The following TMEM67 variants were observed in gnomAD, a reference collection of about 807,000 sequenced individuals.
TMEM67 encodes meckelin.
TMEM67 carries 124 observed loss-of-function variants against 136.6 expected under a neutral mutation model. The observed-to-expected ratio is 0.91, with a 90% CI of 0.78 to 1.05. TMEM67 has a LOEUF of 1.05. Ranked by LOEUF, TMEM67 falls within the 50% of genes least tolerant of loss-of-function variation. The probability of loss-of-function intolerance (pLI) is 0.00; values close to 1 mark genes in which losing one functional copy is unlikely to be tolerated. For synonymous variants in TMEM67, 364 were observed against 390.5 expected (o/e 0.93, Z 0.80); for missense variants, 1,107 against 1,178.4 (o/e 0.94, Z 0.89).
chr8:93,785,466 A>G, intron 12 of TMEM67, 88 bp downstream of exon 12: 1 of 1,326,822 alleles, frequency 7.5e-7, no homozygotes, highest in Non-Finnish European at 1.1e-6. Context: ...ACCACTGATT[A>G]TAAGAAAGGT....
intron 3 of TMEM67, chr8:93,759,538 G>A (rs1436463363): frequency 1.3e-5 from 2 of 148,686 alleles, no homozygotes; most frequent in East Asian, 3.9e-4. Context: ...ACACCCAACA[G>A]AATGACTAAA....
downstream of TMEM67, among the ~76,000 whole-genome samples, chr8:93,822,998 A>G (rs1563490246): frequency 6.6e-6 from 1 of 152,242 alleles, no homozygotes; most frequent in Non-Finnish European, 1.5e-5. Context: ...ATGGAGGTAG[A>G]TAAGACATTG....
intron 7 of TMEM67, among the ~76,000 whole-genome samples, chr8:93,779,561 G>C (rs554935831): frequency 6.6e-6 from 1 of 152,150 alleles, no homozygotes; most frequent in Non-Finnish European, 1.5e-5. Context: ...GGGTTTTGAT[G>C]TGGATGTCCT....
chr8:93,824,873 C>T, the TMEM67 span, among the ~76,000 whole-genome samples: 15 of 152,194 alleles, frequency 9.9e-5, no homozygotes, highest in African/African-American at 2.9e-4. Context: ...TGCCACCATA[C>T]GCAGCTAATT....
chr8:93,788,626 A>G (rs535442857), intron 14 of TMEM67, among the ~76,000 whole-genome samples: 4 of 152,338 alleles, frequency 2.6e-5, no homozygotes, highest in Non-Finnish European at 5.9e-5. Context: ...CAGACTTTAC[A>G]GTGGGCATAT....
chr8:93,795,949 C>T lies in TMEM67; in HGVS notation c.1822C>T (p.Arg608Cys), dbSNP rs142283122. ...GCTGCCAATGCCAATTCAGGAAGAA[C>T]GTTTTGTCACTTATGTTGGATGTGC... The part of the protein sequence containing the change: ...VLLPMPIQEE[R>C]FVTYVGCAFA... Residue 608 changes from arginine (R) to cysteine (C), a missense_variant, in exon 18 of 28, where the codon CGT becomes TGT. Arg to Cys is a radical substitution (Grantham distance 180, BLOSUM62 -3). Coordinates refer to ENST00000453321, the MANE Select transcript of TMEM67 (RefSeq NM_153704.6). 9 of 1,613,356 alleles carry T rather than the reference C, an allele frequency of 5.6e-6. No individual in the cohort carries two copies. Among genetic ancestry groups the T allele is most frequent in the Non-Finnish European group, 7.6e-6 (9 of 1,179,550 alleles).
chr8:93,796,033 G>T (rs1005282845), intron 18 of TMEM67, 46 bp downstream of exon 18: 3 of 1,185,244 alleles, frequency 2.5e-6, no homozygotes, highest in Non-Finnish European at 3.8e-6. Context: ...GCCTGCTAAT[G>T]AACTAACAAG....
chr8:93,788,033 C>CTTT, intron 14 of TMEM67, 84 bp downstream of exon 14: 2 of 777,204 alleles, frequency 2.6e-6, no homozygotes, highest in Non-Finnish European at 2.1e-6. Flanking sequence ...AAAAGACAGT[C>CTTT]TTTTTTTTTT....
chr8:93,795,993 T>A lies in TMEM67; in HGVS notation c.1860+6T>A. 1 of 1,603,292 alleles carries A rather than the reference T, an allele frequency of 6.2e-7. No homozygotes were observed. The highest frequency in any genetic ancestry group is 8.5e-7 in the Non-Finnish European group (1 of 1,170,302). ...GATGTGCCTTTGCTCTGAAGGTAAGTTTTAAAGGACAGGTTACCAAATTTA... is the reference window on the plus strand; with the variant it reads ...GATGTGCCTTTGCTCTGAAGGTAAGATTTAAAGGACAGGTTACCAAATTTA... On this transcript the variant is annotated splice_donor_region_variant and intron_variant, in intron 18 of 27. Transcript: ENST00000453321.
chr8:93,809,908 T>C, intron 26 of TMEM67, 21 bp downstream of exon 26: 1 of 1,423,966 alleles, frequency 7.0e-7, no homozygotes, highest in Non-Finnish European at 9.9e-7. Context: ...AATCCCTTTG[T>C]AGAACTTGAT....
At chr8:93,781,856 A>AT (rs891485043) in intron 10 of TMEM67, 112 bp downstream of exon 10, 13 of 536,930 alleles carry the variant, frequency 2.4e-5, no homozygotes, top group South Asian at 6.5e-5. Flanking sequence ...ACTACAGTTG[A>AT]TTTTTTTTCT....
intron 2 of TMEM67, among the ~76,000 whole-genome samples, chr8:93,757,340 T>A (rs1021829936): frequency 2.0e-5 from 3 of 152,038 alleles, no homozygotes; most frequent in Non-Finnish European, 4.4e-5. Flanking sequence ...TCATACTTTA[T>A]CAAAAACCTT....
At chr8:93,756,131 T>A in intron 2 of TMEM67, 1 of 335,462 alleles carries the variant, frequency 3.0e-6, no homozygotes, top group South Asian at 3.7e-5. Context: ...ACTCGTAGAA[T>A]AACTCGGTTA....
rs1812542314 is a variant in TMEM67 at position 93,755,760 on chromosome 8, T to TC, written c.224-18_224-17insC. On this transcript the variant is annotated splice_polypyrimidine_tract_variant and intron_variant, in intron 1 of 27. Coordinates refer to ENST00000453321, the MANE Select transcript of TMEM67 (RefSeq NM_153704.6). Reference sequence around the variant, plus strand: ...TCAAGGATAAAATTGGCTTTTTTTTTTTTTTTTTTTTTTTTAGGAACTTCA... The same window carrying TC: ...TCAAGGATAAAATTGGCTTTTTTTTTCTTTTTTTTTTTTTTTAGGAACTTCA... 7.5e-7 allele frequency: 1 copy of TC among 1,331,334 alleles called. No individual in the cohort carries two copies. The highest frequency in any genetic ancestry group is 2.6e-5 in the East Asian group (1 of 39,210). 82.5% of individuals were successfully genotyped at this position (1,331,334 alleles called of 1,614,324 possible). A position where few individuals can be genotyped will look rare whatever the true frequency, so the allele number is the denominator to read the frequency against.
intron 7 of TMEM67, among the ~76,000 whole-genome samples, chr8:93,777,499 A>G (rs1813604969): frequency 6.6e-6 from 1 of 152,124 alleles, no homozygotes; most frequent in Admixed American, 6.6e-5. Flanking sequence ...TAGTGCTGTA[A>G]ATTTCCCTCT....
chr8:93,801,332 T>C lies in TMEM67; in HGVS notation c.2241+1574T>C, dbSNP rs563290967. On this transcript the variant is annotated intron_variant, in intron 21 of 27. Transcript: ENST00000453321. ...TCACTGCAGCCTCAACCTCCCAGGC[T>C]CAAGCAATCCTCCTGCCTCAGCCTC... is the stretch of plus-strand genomic sequence containing the variant. 8.6e-5 allele frequency among the ~76,000 whole-genome samples: 13 copies of C among 151,994 alleles called. No individual in the cohort carries two copies. The South Asian group carries it at 2.5e-3, about 29-fold the overall frequency.
At position 93,758,499 on chromosome 8, in the gene TMEM67, A is replaced by G. The variant is rs1014876003; in HGVS notation, c.329A>G (p.Asp110Gly). The change falls in exon 3 of 28, where the codon GAT (aspartate) becomes GGT (glycine). Residue 110 changes from aspartate (D) to glycine (G), a missense_variant. By Grantham distance (94) the Asp-to-Gly change is moderately conservative. This residue lies in a region of TMEM67 where 178 missense variants were observed against 159.2 expected (regional missense o/e 1.12). Coordinates refer to ENST00000453321, the MANE Select transcript of TMEM67 (RefSeq NM_153704.6). ...TTAATTTAGAAAGGTGTTACAGAAG[A>G]TGGCTGGAACTGCATTTCTTGCCCT... ...CPENMKGVTE[D>G]GWNCISCPSD... The G allele has an allele frequency of 5.6e-6, 9 of 1,613,542 alleles. No individual in the cohort carries two copies. The East Asian group carries it at 1.6e-4, about 28-fold the overall frequency.
At chr8:93,770,524 C>G (rs1398522286) in intron 6 of TMEM67, among the ~76,000 whole-genome samples, 1 of 152,116 alleles carries the variant, frequency 6.6e-6, no homozygotes, top group Non-Finnish European at 1.5e-5. Flanking sequence ...TTCTAGTGTC[C>G]TTTAATCTAG....
At chr8:93,777,220 C>T (rs369549686) in intron 7 of TMEM67, among the ~76,000 whole-genome samples, 3 of 151,890 alleles carry the variant, frequency 2.0e-5, no homozygotes, top group Admixed American at 6.6e-5. Context: ...TTTTTTATTG[C>T]GTCTATTTGA....
Sources: allele counts gnomAD v4.1 joint callset (sites outside exome capture counted in the v4.1 genomes callset), GRCh38; gene constraint gnomAD v4.1.1; regional missense constraint gnomAD v4.1.1; transcripts MANE v1.5; gene names NCBI Gene and HGNC (gene_info 2026-07-23, HGNC 2026-07-21).